The following DLGAP2 variants were observed in gnomAD, a reference collection of about 807,000 sequenced individuals.
The protein encoded by DLGAP2 is DLG associated protein 2, also known as disks large-associated protein 2.
Under a neutral mutation model 100.3 loss-of-function variants are expected in DLGAP2, and 26 were observed. That is an observed-to-expected ratio of 0.26 (90% confidence interval 0.19 to 0.36). The LOEUF (loss-of-function observed/expected upper bound fraction) is 0.36, where lower values mean the gene tolerates loss of function less well. DLGAP2 is among the 10% of genes least tolerant of loss of function. The probability of loss-of-function intolerance (pLI) is 1.00; values close to 1 mark genes in which losing one functional copy is unlikely to be tolerated. For missense variants in DLGAP2, 1,858 were observed against 1,453.2 expected, an observed-to-expected ratio of 1.28 and a Z score of -4.53; for synonymous variants, 886 against 630.1, an observed-to-expected ratio of 1.41 and a Z score of -6.08.
At position 1,484,527 on chromosome 8, in the gene DLGAP2, C is replaced by T. The variant is rs757894; in HGVS notation, c.107-16839C>T. ...ATGGTCTGTGATGTTTTGATCACGA[C>T]GGCTGAGGCCTTTGGTGAGAGCCCA... On this transcript the variant is annotated intron_variant, in intron 3 of 14. Coordinates refer to ENST00000637795, the MANE Select transcript of DLGAP2 (RefSeq NM_001346810.2). 8.3e-3 allele frequency among the ~76,000 whole-genome samples: 1,262 copies of T among 152,316 alleles called. 11 individuals carry two copies. Among genetic ancestry groups the T allele is most frequent in the African/African-American group, 0.028 (1,171 of 41,562 alleles).
rs151135440 is a variant in DLGAP2, at chr8:1,112,745, C to T, written c.74-146106C>T. Among the ~76,000 whole-genome samples the T allele has an allele frequency of 3.1e-4, 47 of 152,284 alleles. 1 individual carries two copies. Among genetic ancestry groups the T allele is most frequent in the African/African-American group, 1.1e-3 (44 of 41,566 alleles). ...AATTGGATCCCATTTGTCAATTTCC[C>T]CTTTTGTTGCAGAAATTGCATGAAT... On this transcript the variant is annotated intron_variant, in intron 2 of 14. Transcript: ENST00000637795.
At chr8:1,264,943 T>A (rs1316418539) in intron 3 of DLGAP2, among the ~76,000 whole-genome samples, 1 of 152,220 alleles carries the variant, frequency 6.6e-6, no homozygotes, top group Non-Finnish European at 1.5e-5. Context: ...CCCCTGCACA[T>A]GGTCTCTTGC....
chr8:1,185,100 G>T (rs1439835289), intron 2 of DLGAP2, among the ~76,000 whole-genome samples: 1 of 152,102 alleles, frequency 6.6e-6, no homozygotes, highest in African/African-American at 2.4e-5. Context: ...CCTCTCTTGG[G>T]GTGTTGGGGC....
At chr8:1,581,783 G>A (rs952955464) in intron 6 of DLGAP2, among the ~76,000 whole-genome samples, 1 of 150,070 alleles carries the variant, frequency 6.7e-6, no homozygotes, top group African/African-American at 2.5e-5. Flanking sequence ...ACAAGTGAAC[G>A]ATACAGACAA....
rs532879705 is a variant in DLGAP2 at position 1,538,772 on chromosome 8, C to G, written c.173-9854C>G. Among the ~76,000 whole-genome samples, 5 of 152,134 alleles carry G rather than the reference C, an allele frequency of 3.3e-5. No individual in the cohort carries two copies. In the South Asian group the frequency reaches 8.3e-4, roughly 25 times the overall value. ...TCCCCGCAGCGTGGCCACAGCCACT[C>G]AGAACTCCAGAGAGTCACGCCCCGG... On this transcript the variant is annotated intron_variant, in intron 4 of 14. Transcript: ENST00000637795.
At chr8:1,449,887 A>C (rs796066650) in intron 3 of DLGAP2, among the ~76,000 whole-genome samples, 1 of 69,296 alleles carries the variant, frequency 1.4e-5, no homozygotes, top group Non-Finnish European at 2.9e-5. Context: ...TCGGTGGCTG[A>C]GGCGGAGCTG....
chr8:1,474,160 C>G (rs1251448037), intron 3 of DLGAP2, among the ~76,000 whole-genome samples: 3 of 152,108 alleles, frequency 2.0e-5, no homozygotes, highest in Non-Finnish European at 2.9e-5. Context: ...GAGTTACTTC[C>G]CTTAGAATAA....
chr8:1,007,638 G>GGGGGT (rs1563140867), intron 2 of DLGAP2, among the ~76,000 whole-genome samples: 28 of 141,510 alleles, frequency 2.0e-4, no homozygotes, highest in African/African-American at 7.1e-4. Flanking sequence ...TTTTTTTTGG[G>GGGGGT]GGGGGGATCT....
Position 1,508,451 on chromosome 8 carries a change from CTCTGCAAA to C in DLGAP2, c.172+7021_172+7028del, listed in dbSNP as rs1173167537. Among the ~76,000 whole-genome samples, 12 of 50,042 alleles carry C rather than the reference CTCTGCAAA, an allele frequency of 2.4e-4. 4 individuals carry two copies. The highest frequency in any genetic ancestry group is 9.8e-4 in the African/African-American group (10 of 10,162). 32.8% of individuals were successfully genotyped at this position (50,042 alleles called of 152,430 possible). On this transcript the variant is annotated intron_variant, in intron 4 of 14. Coordinates refer to ENST00000637795, the MANE Select transcript of DLGAP2 (RefSeq NM_001346810.2). ...CCCCCCCCCGCAAACCCCCGCCACC[CTCTGCAAA>C]CCCCCGCCACCCCCTGCAAACGCCC...
chr8:1,491,917 C>T (rs944458117), intron 3 of DLGAP2, among the ~76,000 whole-genome samples: 1 of 152,310 alleles, frequency 6.6e-6, no homozygotes, highest in Non-Finnish European at 1.5e-5. Flanking sequence ...CTGGTAAGGC[C>T]TGCGGAGCTC....
intron 6 of DLGAP2, among the ~76,000 whole-genome samples, chr8:1,592,074 C>T (rs1402736843): frequency 6.6e-6 from 1 of 152,154 alleles, no homozygotes; most frequent in Admixed American, 6.5e-5. Context: ...CCTTATCCAC[C>T]ATGGCCCTTG....
intron 2 of DLGAP2, among the ~76,000 whole-genome samples, chr8:1,199,907 C>T (rs12543247): frequency 0.49 from 73,825 of 151,556 alleles, 18,045 homozygotes; most frequent in Middle Eastern, 0.67. Flanking sequence ...GCCCCCTCCC[C>T]TGGTGATGAC....
intron 3 of DLGAP2, among the ~76,000 whole-genome samples, chr8:1,308,202 G>C (rs1410057990): frequency 2.0e-5 from 3 of 152,178 alleles, no homozygotes; most frequent in Non-Finnish European, 4.4e-5. Context: ...TGCAGAGAAT[G>C]GGAAAGGTGT....
intron 8 of DLGAP2, among the ~76,000 whole-genome samples, chr8:1,641,995 CTCGA>C (rs1797920372): frequency 2.0e-5 from 1 of 48,990 alleles, no homozygotes; most frequent in African/African-American, 1.7e-4. Context: ...CTGTGTCACC[CTCGA>C]CCCCGCTGGT....
intron 6 of DLGAP2, chr8:1,622,480 T>C (rs1476341102): frequency 6.6e-6 from 1 of 152,194 alleles, no homozygotes; most frequent in Non-Finnish European, 1.5e-5. Context: ...GTTCTCATAA[T>C]GACCTAAGTC....
intron 4 of DLGAP2, among the ~76,000 whole-genome samples, chr8:1,539,002 C>T (rs778740309): frequency 1.6e-4 from 25 of 151,638 alleles, no homozygotes; most frequent in African/African-American, 5.3e-4. Flanking sequence ...TCTCATGGCT[C>T]GGCCTCCTGA....
intron 2 of DLGAP2, among the ~76,000 whole-genome samples, chr8:1,176,939 A>T (rs1032834281): frequency 2.6e-5 from 4 of 152,190 alleles, no homozygotes; most frequent in African/African-American, 7.2e-5. Flanking sequence ...AAAGCAGCAC[A>T]ATTCTGGGAA....
At chr8:1,514,175 G>C (rs537044005) in intron 4 of DLGAP2, among the ~76,000 whole-genome samples, 1 of 152,262 alleles carries the variant, frequency 6.6e-6, no homozygotes, top group African/African-American at 2.4e-5. Flanking sequence ...AATTCACAGT[G>C]ACGGGAAAGA....
intron 2 of DLGAP2, among the ~76,000 whole-genome samples, chr8:1,058,797 T>G (rs1306757002): frequency 6.6e-6 from 1 of 152,146 alleles, no homozygotes; most frequent in Non-Finnish European, 1.5e-5. Context: ...CACCCCAGAT[T>G]ATTGGATTAG....
Sources: gnomAD v4.1 joint callset for allele counts (sites outside exome capture counted in the v4.1 genomes callset) on GRCh38, gnomAD v4.1.1 for gene constraint, MANE v1.5 for transcripts, NCBI Gene and HGNC (gene_info 2026-07-23, HGNC 2026-07-21) for gene names.